HECW2: variants seen among roughly 807,000 people sequenced by gnomAD.
HECW2 encodes the protein E3 ubiquitin-protein ligase HECW2.
Under a neutral mutation model 175.2 loss-of-function variants are expected in HECW2, and 61 were observed. That is an observed-to-expected ratio of 0.35 (90% CI 0.28 to 0.43). The LOEUF is 0.43. HECW2 is among the 20% of genes least tolerant of loss of function. HECW2 has a pLI of 1.00. For missense variants in HECW2, 1,524 were observed against 2,000.5 expected (o/e 0.76, Z 4.54); for synonymous variants, 671 against 731.0 (o/e 0.92, Z 1.32).
intron 1 of HECW2, among the ~76,000 whole-genome samples, chr2:196,518,830 T>A (rs1242058415): frequency 6.6e-6 from 1 of 152,066 alleles, no homozygotes; most frequent in Admixed American, 6.5e-5. Context: ...CTCTGCCTCT[T>A]ACAAGCAGCC....
chr2:196,224,703 A>C (rs1345699263), intron 23 of HECW2, among the ~76,000 whole-genome samples: 1 of 152,206 alleles, frequency 6.6e-6, no homozygotes, highest in Non-Finnish European at 1.5e-5. Context: ...CTGGTGGGAA[A>C]GAAACCAGGC....
At chr2:196,348,460 C>A (rs1227278876) in intron 2 of HECW2, among the ~76,000 whole-genome samples, 1 of 151,804 alleles carries the variant, frequency 6.6e-6, no homozygotes, top group East Asian at 1.9e-4. Context: ...CTGGGCAACA[C>A]AACAAGACCC....
At chr2:196,480,579 C>T (rs1202620564) in intron 1 of HECW2, among the ~76,000 whole-genome samples, 2 of 152,172 alleles carry the variant, frequency 1.3e-5, no homozygotes, top group African/African-American at 2.4e-5. Context: ...GAACTCAGTC[C>T]GTGAGTTTTC....
rs16846830 is a variant in HECW2 at position 196,198,388 on chromosome 2, T to A, written c.*2889A>T. 1.3e-5 allele frequency: 2 copies of A among 152,100 alleles called. No individual in the cohort carries two copies. Among genetic ancestry groups the A allele is most frequent in the African/African-American group, 4.8e-5 (2 of 41,372 alleles). The allele number at this position is 152,100 out of a possible 1,614,324, so 9.4% of individuals were successfully genotyped here. A position where few individuals can be genotyped will look rare whatever the true frequency, so the allele number is the denominator to read the frequency against. On this transcript the variant is annotated 3_prime_UTR_variant, in exon 29 of 29. Coordinates refer to ENST00000644978, the MANE Select transcript of HECW2 (RefSeq NM_001348768.2). The stretch of plus-strand genomic sequence containing the variant: ...TGAAGCCATTATTGAATCTCCCAGA[T>A]GGAAAAAGCTGTTCTCTTCTCTCTT...
In HECW2 at chr2:196,195,313, G is replaced by A. The variant is rs750216030; in HGVS notation, c.*5964C>T. Reference sequence around the variant, plus strand: ...TGATTCAGTTTGAATCACACAACACGGCTATCCACACTCCTCAGGTTGTAA... The same window carrying A: ...TGATTCAGTTTGAATCACACAACACAGCTATCCACACTCCTCAGGTTGTAA... On this transcript the variant is annotated 3_prime_UTR_variant, in exon 29 of 29. Coordinates refer to ENST00000644978, the MANE Select transcript of HECW2 (RefSeq NM_001348768.2). 6 of 152,112 alleles carry A rather than the reference G, an allele frequency of 3.9e-5. No homozygotes were observed. In the South Asian group the frequency reaches 1.0e-3, roughly 26 times the overall value. The allele number at this position is 152,112 out of a possible 1,614,324, so 9.4% of individuals were successfully genotyped here. A position where few individuals can be genotyped will look rare whatever the true frequency, so the allele number is the denominator to read the frequency against.
chr2:196,211,723 A>G (rs1687293036), intron 28 of HECW2, among the ~76,000 whole-genome samples: 1 of 152,192 alleles, frequency 6.6e-6, no homozygotes, highest in Admixed American at 6.5e-5. Flanking sequence ...TAGAAAGACT[A>G]AGATTCTCTC....
intron 5 of HECW2, among the ~76,000 whole-genome samples, chr2:196,329,119 C>T (rs575353848): frequency 1.3e-5 from 2 of 152,130 alleles, no homozygotes; most frequent in Admixed American, 6.5e-5. Flanking sequence ...GCAATTTGAA[C>T]ATTTTACTAA....
chr2:196,278,133 A>ATATATATATATATATATATATATACATAT lies in HECW2; in HGVS notation c.3135+394_3135+395insATATGTATATATATATATATATATATATA, dbSNP rs1553489735. 3.0e-5 allele frequency among the ~76,000 whole-genome samples: 2 copies of ATATATATATATATATATATATATACATAT among 66,552 alleles called. 1 individual carries two copies. Among genetic ancestry groups the ATATATATATATATATATATATATACATAT allele is most frequent in the African/African-American group, 8.2e-5 (2 of 24,282 alleles). 43.7% of individuals were successfully genotyped at this position (66,552 alleles called of 152,430 possible). ...CCTAGAACTTAAAGTATAATTAAAAAATATATATATATATATATAAAGAAA... is the reference window on the plus strand; with the variant it reads ...CCTAGAACTTAAAGTATAATTAAAAATATATATATATATATATATATATACATATATATATATATATATATATAAAGAAA... On this transcript the variant is annotated intron_variant, in intron 15 of 28. Coordinates refer to ENST00000644978, the MANE Select transcript of HECW2 (RefSeq NM_001348768.2).
At chr2:196,267,635 C>T (rs74531285) in intron 17 of HECW2, among the ~76,000 whole-genome samples, 2,844 of 152,144 alleles carry the variant, frequency 0.019, 41 homozygotes, top group Middle Eastern at 0.031. Context: ...AAGTAAAAGC[C>T]ATATCACAAT....
chr2:196,339,673 T>G (rs1393867126), intron 3 of HECW2, among the ~76,000 whole-genome samples: 5 of 152,206 alleles, frequency 3.3e-5, no homozygotes, highest in African/African-American at 1.2e-4. Context: ...CCACAACCCA[T>G]AAAAGACTGT....
chr2:196,456,401 C>T (rs894642109), intron 1 of HECW2, among the ~76,000 whole-genome samples: 13 of 151,636 alleles, frequency 8.6e-5, no homozygotes, highest in Admixed American at 1.3e-4. Flanking sequence ...TACCTTATCC[C>T]AGCAAGGAAA....
intron 8 of HECW2, 121 bp from the exon 9 acceptor site, chr2:196,320,025 G>A (rs1278226481): frequency 1.0e-6 from 1 of 1,003,944 alleles, no homozygotes; most frequent in Non-Finnish European, 1.4e-6. Context: ...GCTTTCTACT[G>A]ACTTGCTAAG....
At chr2:196,311,269 T>C (rs1691485618) in intron 10 of HECW2, among the ~76,000 whole-genome samples, 1 of 152,232 alleles carries the variant, frequency 6.6e-6, no homozygotes, top group South Asian at 2.1e-4. Flanking sequence ...TGAGGATCAA[T>C]AAAAATGCAG....
intron 2 of HECW2, among the ~76,000 whole-genome samples, chr2:196,422,055 A>G (rs1695420794): frequency 6.6e-6 from 1 of 152,158 alleles, no homozygotes; most frequent in African/African-American, 2.4e-5. Context: ...TTTTTCATCT[A>G]TAATGGTCAT....
chr2:196,262,855 A>G (rs1243615802), intron 17 of HECW2, among the ~76,000 whole-genome samples: 1 of 152,118 alleles, frequency 6.6e-6, no homozygotes, highest in Non-Finnish European at 1.5e-5. Context: ...TATGGTGCTC[A>G]GCCCGTCCTC....
At chr2:196,472,380 C>T (rs369592390) in intron 1 of HECW2, among the ~76,000 whole-genome samples, 152 of 149,422 alleles carry the variant, frequency 1.0e-3, no homozygotes, top group Non-Finnish European at 9.5e-4. Flanking sequence ...CCCAGCTACT[C>T]GAGAGGCTGA....
At chr2:196,493,232 T>C (rs1687265600) in intron 1 of HECW2, 1 of 152,100 alleles carries the variant, frequency 6.6e-6, no homozygotes, top group Non-Finnish European at 1.5e-5. Flanking sequence ...TAGCTGAGCA[T>C]GGTAGCATCA....
At chr2:196,410,855 G>C (rs1695089405) in intron 2 of HECW2, among the ~76,000 whole-genome samples, 1 of 152,124 alleles carries the variant, frequency 6.6e-6, no homozygotes, top group Admixed American at 6.5e-5. Context: ...ACAGAGCACA[G>C]TAGAAGGCTA....
chr2:196,401,451 T>G (rs1277627647), intron 2 of HECW2, among the ~76,000 whole-genome samples: 2 of 152,248 alleles, frequency 1.3e-5, no homozygotes, highest in Admixed American at 6.5e-5. Context: ...CATTAACACT[T>G]CTTTCCTTTG....
Sources: allele counts gnomAD v4.1 joint callset (sites outside exome capture counted in the v4.1 genomes callset), GRCh38; gene constraint gnomAD v4.1.1; transcripts MANE v1.5; gene names NCBI Gene and HGNC (gene_info 2026-07-23, HGNC 2026-07-21).